The following PADI6 variants were observed in gnomAD, a reference collection of about 807,000 sequenced individuals.
PADI6 encodes the protein peptidyl arginine deiminase 6, also known as inactive protein-arginine deiminase type-6.
A neutral mutation model predicts 78.2 loss-of-function variants in PADI6; 66 were observed. That is an observed-to-expected ratio of 0.84 (90% CI 0.69 to 1.04). PADI6 has a LOEUF of 1.04. Ranked by LOEUF, PADI6 falls within the 50% of genes least tolerant of loss-of-function variation. The probability of loss-of-function intolerance (pLI) is 0.00; values close to 1 mark genes in which losing one functional copy is unlikely to be tolerated. For missense variants in PADI6, 854 were observed against 866.1 expected (o/e 0.99, Z 0.18); for synonymous variants, 397 against 346.9 (o/e 1.14, Z -1.60).
intron 9 of PADI6, among the ~76,000 whole-genome samples, chr1:17,393,325 C>T (rs2075209944): frequency 6.6e-6 from 1 of 152,084 alleles, no homozygotes; most frequent in Non-Finnish European, 1.5e-5. Flanking sequence ...TTCAGGTTTT[C>T]AAAAGACCCC....
At chr1:17,397,612 G>C (rs2075259422) in intron 14 of PADI6, among the ~76,000 whole-genome samples, 1 of 152,148 alleles carries the variant, frequency 6.6e-6, no homozygotes. Context: ...TCCTAGCTGA[G>C]AGCCAATGAT....
At position 17,401,202 on chromosome 1, in the gene PADI6, C is replaced by T. The variant is rs771484553; in HGVS notation, c.1852-3C>T. ...GGCCTCACCCACCCTGTCTTTCTAA[C>T]AGTTGCGGATGATTGTGATGGGCAA... On this transcript the variant is annotated splice_polypyrimidine_tract_variant and splice_region_variant and intron_variant, in intron 15 of 15. Transcript: ENST00000619609. The T allele has an allele frequency of 1.9e-6, 3 of 1,613,558 alleles. No homozygotes were observed. In the South Asian group the frequency reaches 3.3e-5, roughly 18 times the overall value.
chr1:17,388,365 CTTCT>C lies in PADI6; in HGVS notation c.680-11_680-8del. On this transcript the variant is annotated splice_polypyrimidine_tract_variant and intron_variant, in intron 6 of 15. Transcript: ENST00000619609. ...GGTTACTTCAGTGGCTGGTCCATCC[CTTCT>C]TTCTCTCCTAGAAGACAACTCCAGT... 4 of 1,597,920 alleles carry C rather than the reference CTTCT, an allele frequency of 2.5e-6. No homozygotes were observed. The highest frequency in any genetic ancestry group is 2.6e-6 in the Non-Finnish European group (3 of 1,171,382).
chr1:17,381,885 G>A lies in PADI6; in HGVS notation c.554-82G>A, dbSNP rs561583700. ...CCTTGGTGCTCTGTTCAAACTCCCG[G>A]CCCCTCTCTACTGCTCTTCCCTCCA... On this transcript the variant is annotated intron_variant, in intron 5 of 15. Transcript: ENST00000619609. The A allele has an allele frequency of 5.3e-5, 81 of 1,536,564 alleles. No individual in the cohort carries two copies. In the African/African-American group the frequency reaches 9.7e-4, roughly 18 times the overall value.
At chr1:17,390,834 A>G (rs902378095) in intron 8 of PADI6, among the ~76,000 whole-genome samples, 5 of 152,192 alleles carry the variant, frequency 3.3e-5, no homozygotes, top group African/African-American at 9.7e-5. Context: ...TCTCACTCAC[A>G]GGAGGCATCT....
intron 4 of PADI6, among the ~76,000 whole-genome samples, chr1:17,380,255 G>A (rs147601825): frequency 6.6e-6 from 1 of 152,148 alleles, no homozygotes; most frequent in Non-Finnish European, 1.5e-5. Context: ...TGTTACCCAG[G>A]CTGGAGTGCA....
intron 13 of PADI6, among the ~76,000 whole-genome samples, chr1:17,396,706 C>T (rs1458418087): frequency 1.3e-5 from 2 of 152,182 alleles, no homozygotes; most frequent in Non-Finnish European, 2.9e-5. Flanking sequence ...GGTAATGTAA[C>T]CTGGAGAGGG....
chr1:17,391,948 T>G (rs1187999782), intron 8 of PADI6, among the ~76,000 whole-genome samples, 166 bp from the exon 9 acceptor site: 1 of 152,248 alleles, frequency 6.6e-6, no homozygotes, highest in African/African-American at 2.4e-5. Flanking sequence ...GCTCTGAGCT[T>G]CTGGCTTGTG....
At chr1:17,394,127 A>G (rs777532256) in intron 10 of PADI6, 45 bp downstream of exon 10, 26 of 1,587,720 alleles carry the variant, frequency 1.6e-5, no homozygotes, top group South Asian at 1.2e-4. Flanking sequence ...CCAATCTCTC[A>G]GGCCTGGGGC....
intron 11 of PADI6, 129 bp downstream of exon 11, chr1:17,394,583 G>A: frequency 9.5e-7 from 1 of 1,057,882 alleles, no homozygotes; most frequent in Non-Finnish European, 1.3e-6. Context: ...GAAGACATTT[G>A]AGCTTTTGAT....
chr1:17,379,443 G>C (rs187025570), intron 3 of PADI6, among the ~76,000 whole-genome samples: 11 of 152,248 alleles, frequency 7.2e-5, no homozygotes, highest in African/African-American at 2.2e-4. Context: ...CTTTAGTAGA[G>C]ATGCGATTTC....
intron 2 of PADI6, 66 bp from the exon 3 acceptor site, chr1:17,375,361 C>T (rs2100285888): frequency 7.0e-7 from 1 of 1,437,844 alleles, no homozygotes; most frequent in Non-Finnish European, 9.6e-7. Context: ...GGCACATGGC[C>T]TGGGGCTCTG....
intron 2 of PADI6, 124 bp downstream of exon 2, chr1:17,373,357 C>T (rs2074982833): frequency 8.7e-7 from 1 of 1,155,900 alleles, no homozygotes; most frequent in Admixed American, 2.2e-5. Flanking sequence ...CACGTCTGAT[C>T]TCATCCAGTG....
At chr1:17,384,114 G>A (rs375935571) in intron 6 of PADI6, among the ~76,000 whole-genome samples, 1 of 152,016 alleles carries the variant, frequency 6.6e-6, no homozygotes, top group Admixed American at 6.6e-5. Context: ...CTGCACTCCA[G>A]CCTAGGTGAC....
At position 17,394,422 on chromosome 1, in the gene PADI6, CAG is replaced by C; in HGVS notation, c.1308_1309del (p.Arg436SerfsTer18). 1 of 1,613,662 alleles carries C rather than the reference CAG, an allele frequency of 6.2e-7. No individual in the cohort carries two copies. The highest frequency in any genetic ancestry group is 8.5e-7 in the Non-Finnish European group (1 of 1,179,790). Reference protein sequence around the residue: ...KVQGKEYPLGRVLIGSSFYPS... With the variant: ...KVQGKEYPLGXVLIGSSFYPS... ...TCCAAGGGAAAGAGTACCCGCTGGG[CAG>C]AGTCCTCATTGGCAGCAGCTTTTAC... On this transcript the variant is annotated frameshift_variant, in exon 11 of 16. Coordinates refer to ENST00000619609, the MANE Select transcript of PADI6 (RefSeq NM_207421.4). LOFTEE classifies it high-confidence loss of function.
intron 6 of PADI6, among the ~76,000 whole-genome samples, chr1:17,382,974 C>T (rs1248746720): frequency 3.3e-5 from 5 of 152,140 alleles, no homozygotes; most frequent in Non-Finnish European, 5.9e-5. Context: ...CTTGTAGAGA[C>T]GGGGTCTCAC....
intron 6 of PADI6, among the ~76,000 whole-genome samples, chr1:17,383,011 G>A (rs541989679): frequency 2.7e-4 from 41 of 152,272 alleles, no homozygotes; most frequent in Non-Finnish European, 5.4e-4. Flanking sequence ...TCAAACTCCC[G>A]GATGCAAACA....
Position 17,401,269 on chromosome 1 carries a change from G to A in PADI6, c.1916G>A (p.Gly639Glu). 1 of 1,614,058 alleles carries A rather than the reference G, an allele frequency of 6.2e-7. No homozygotes were observed. Among genetic ancestry groups the A allele is most frequent in the Non-Finnish European group, 8.5e-7 (1 of 1,179,910 alleles). ...IPKPFGPQIK[G>E]TCCLEEKICC... ...AAGCCTTTTGGGCCCCAAATCAAGG[G>A]GACCTGCTGCCTGGAAGAAAAGATT... Residue 639 changes from glycine (G) to glutamate (E), a missense_variant, in exon 16 of 16, where the codon GGG (glycine) becomes GAG (glutamate). Coordinates refer to ENST00000619609, the MANE Select transcript of PADI6 (RefSeq NM_207421.4).
intron 1 of PADI6, 96 bp downstream of exon 1, chr1:17,372,457 T>C (rs748085833): frequency 8.4e-5 from 96 of 1,144,056 alleles, no homozygotes; most frequent in Middle Eastern, 2.0e-4. Context: ...GTTACTTCTC[T>C]AGCCTCACTA....
Sources: gnomAD v4.1 joint callset for allele counts (sites outside exome capture counted in the v4.1 genomes callset) on GRCh38, gnomAD v4.1.1 for gene constraint, MANE v1.5 for transcripts, NCBI Gene and HGNC (gene_info 2026-07-23, HGNC 2026-07-21) for gene names.